The following PALLD variants were observed in gnomAD, a reference collection of about 807,000 sequenced individuals.
PALLD encodes the protein palladin.
Under a neutral mutation model 123.5 loss-of-function variants are expected in PALLD, and 61 were observed. The ratio of observed to expected loss-of-function variants is 0.49; its 90% CI spans 0.40 to 0.61. The LOEUF (loss-of-function observed/expected upper bound fraction) is 0.61, where lower values mean the gene tolerates loss of function less well. Ranked by LOEUF, PALLD falls within the 20% of genes least tolerant of loss-of-function variation. PALLD has a pLI of 0.00. For synonymous variants in PALLD, 465 were observed against 496.4 expected, an observed-to-expected ratio of 0.94 and a Z score of 0.84; for missense variants, 1,273 against 1,377.0, an observed-to-expected ratio of 0.92 and a Z score of 1.20.
At chr4:168,501,851 T>C (rs186866142) in intron 1 of PALLD, among the ~76,000 whole-genome samples, 61 of 152,346 alleles carry the variant, frequency 4.0e-4, no homozygotes, top group African/African-American at 1.3e-3. Flanking sequence ...AACATGCGAA[T>C]GTGCACTTCA....
intron 2 of PALLD, among the ~76,000 whole-genome samples, chr4:168,606,681 A>C (rs1024576591): frequency 6.6e-6 from 1 of 152,014 alleles, no homozygotes; most frequent in East Asian, 1.9e-4. Flanking sequence ...AAAAAAAAAA[A>C]AAAGATCAAG....
chr4:168,889,778 C>T (rs1244217995), intron 10 of PALLD, among the ~76,000 whole-genome samples: 4 of 152,150 alleles, frequency 2.6e-5, no homozygotes, highest in African/African-American at 4.8e-5. Flanking sequence ...TGCTGGGCCC[C>T]AACTCTGAAT....
chr4:168,577,943 G>T (rs927337200), intron 2 of PALLD, among the ~76,000 whole-genome samples: 5 of 151,946 alleles, frequency 3.3e-5, no homozygotes, highest in Admixed American at 2.6e-4. Context: ...AATGGGGGCG[G>T]GGCGGGGGGA....
intron 2 of PALLD, among the ~76,000 whole-genome samples, chr4:168,586,732 C>T (rs1166422396): frequency 6.6e-6 from 1 of 152,136 alleles, no homozygotes. Context: ...GCACTCTGGA[C>T]ATCCATGGAA....
chr4:168,625,624 C>T lies in PALLD; in HGVS notation c.909-42566C>T, dbSNP rs1775192903. 2.0e-5 allele frequency among the ~76,000 whole-genome samples: 3 copies of T among 149,940 alleles called. No homozygotes were observed. The Admixed American group carries it at 2.0e-4, about 10-fold the overall frequency. ...CAAAGGACTTGAACAGACATTCCTC[C>T]AAAGATGAAATTTACATGGCCAACA... On this transcript the variant is annotated intron_variant, in intron 2 of 21. Coordinates refer to ENST00000505667, the MANE Select transcript of PALLD (RefSeq NM_001166108.2).
At chr4:168,864,204 A>G (rs939770077) in intron 10 of PALLD, among the ~76,000 whole-genome samples, 4 of 152,226 alleles carry the variant, frequency 2.6e-5, no homozygotes, top group Non-Finnish European at 4.4e-5. Flanking sequence ...CTTCTAGGCA[A>G]TGGTTCATCT....
chr4:168,722,458 A>G (rs1433577665), intron 10 of PALLD, among the ~76,000 whole-genome samples: 2 of 152,370 alleles, frequency 1.3e-5, no homozygotes, highest in East Asian at 3.9e-4. Context: ...AGGAGAAAAG[A>G]TGCAATGAAG....
At chr4:168,697,621 AACACTCATCTT>A (rs1783261826) in intron 8 of PALLD, among the ~76,000 whole-genome samples, 1 of 152,150 alleles carries the variant, frequency 6.6e-6, no homozygotes, top group African/African-American at 2.4e-5. Flanking sequence ...ATCAGCTGGG[AACACTCATCTT>A]ACCCCCACAG....
At chr4:168,802,219 A>T (rs1739444889) in intron 10 of PALLD, among the ~76,000 whole-genome samples, 1 of 152,224 alleles carries the variant, frequency 6.6e-6, no homozygotes, top group Non-Finnish European at 1.5e-5. Flanking sequence ...GAGTTTAGTG[A>T]TCAAGCACCA....
At chr4:168,629,944 G>T (rs1775656466) in intron 2 of PALLD, among the ~76,000 whole-genome samples, 1 of 152,214 alleles carries the variant, frequency 6.6e-6, no homozygotes, top group African/African-American at 2.4e-5. Flanking sequence ...ATTTATATAT[G>T]TTGGGTGTTT....
intron 10 of PALLD, among the ~76,000 whole-genome samples, chr4:168,728,063 A>G (rs185938886): frequency 1.3e-5 from 2 of 152,114 alleles, no homozygotes; most frequent in East Asian, 3.9e-4. Flanking sequence ...CCATTGGTTT[A>G]TGTATTTGTT....
At chr4:168,616,039 A>AT (rs961352045) in intron 2 of PALLD, among the ~76,000 whole-genome samples, 3 of 151,642 alleles carry the variant, frequency 2.0e-5, no homozygotes, top group Admixed American at 6.6e-5. Context: ...TTGTGACAGT[A>AT]TTTTTTGCCT....
At chr4:168,730,479 C>A (rs1787053118) in intron 10 of PALLD, among the ~76,000 whole-genome samples, 1 of 151,540 alleles carries the variant, frequency 6.6e-6, no homozygotes, top group African/African-American at 2.4e-5. Flanking sequence ...CTTAAAATTC[C>A]TTTTTTTTGT....
At chr4:168,649,769 A>G (rs1777844673) in intron 2 of PALLD, among the ~76,000 whole-genome samples, 1 of 152,210 alleles carries the variant, frequency 6.6e-6, no homozygotes, top group Non-Finnish European at 1.5e-5. Context: ...CTACAACATA[A>G]TGGTCCTAAA....
chr4:168,799,238 T>C (rs554249737), intron 10 of PALLD, among the ~76,000 whole-genome samples: 17 of 152,168 alleles, frequency 1.1e-4, no homozygotes, highest in Non-Finnish European at 2.1e-4. Context: ...TTTTAGGCTG[T>C]CAATCTTGTT....
intron 2 of PALLD, among the ~76,000 whole-genome samples, chr4:168,627,491 C>T (rs1775413320): frequency 6.6e-6 from 1 of 152,052 alleles, no homozygotes; most frequent in Non-Finnish European, 1.5e-5. Flanking sequence ...GCCTGGGTGA[C>T]AGAGTGAGAC....
rs552642117 is a variant in PALLD, at chr4:168,715,936, C to T, written c.1964+4013C>T. Among the ~76,000 whole-genome samples the T allele has an allele frequency of 3.3e-5, 5 of 151,378 alleles. No homozygotes were observed. In the East Asian group the frequency reaches 7.8e-4, roughly 24 times the overall value. Reference sequence around the variant, plus strand: ...CTGCCCTCCACCCTGGGTGACAGAGCGACACTCCATCTCAAAAAAAAAAAA... The same window carrying T: ...CTGCCCTCCACCCTGGGTGACAGAGTGACACTCCATCTCAAAAAAAAAAAA... On this transcript the variant is annotated intron_variant, in intron 10 of 21. Coordinates refer to ENST00000505667, the MANE Select transcript of PALLD (RefSeq NM_001166108.2).
chr4:168,614,891 A>G (rs1326836308), intron 2 of PALLD, among the ~76,000 whole-genome samples: 2 of 152,210 alleles, frequency 1.3e-5, no homozygotes, highest in South Asian at 2.1e-4. Context: ...GAATATCCCA[A>G]GACTAAGACC....
chr4:168,683,924 A>G (rs1781788108), intron 5 of PALLD, among the ~76,000 whole-genome samples: 1 of 152,196 alleles, frequency 6.6e-6, no homozygotes, highest in Admixed American at 6.5e-5. Context: ...GAAAATACAA[A>G]CAGTAGAGAG....
Sources: gnomAD v4.1 joint callset for allele counts (sites outside exome capture counted in the v4.1 genomes callset) on GRCh38, gnomAD v4.1.1 for gene constraint, MANE v1.5 for transcripts, NCBI Gene and HGNC (gene_info 2026-07-23, HGNC 2026-07-21) for gene names.